PALM2AKAP2: variants seen among roughly 807,000 people sequenced by gnomAD.
PALM2AKAP2 encodes the protein PALM2-AKAP2 fusion protein.
In PALM2AKAP2, 37 loss-of-function variants were observed where a neutral mutation model predicts 71.5. The ratio of observed to expected loss-of-function variants is 0.52; its 90% CI spans 0.40 to 0.68. PALM2AKAP2 has a LOEUF of 0.68. PALM2AKAP2 is among the 30% of genes least tolerant of loss of function. PALM2AKAP2 has a pLI of 0.00. For missense variants in PALM2AKAP2, 1,224 were observed against 1,191.8 expected, an observed-to-expected ratio of 1.03 and a Z score of -0.40; for synonymous variants, 468 against 478.8, an observed-to-expected ratio of 0.98 and a Z score of 0.29.
intron 3 of PALM2AKAP2, among the ~76,000 whole-genome samples, chr9:109,896,453 G>A (rs1371192195): frequency 1.3e-5 from 2 of 152,112 alleles, no homozygotes; most frequent in African/African-American, 4.8e-5. Context: ...ATATTTTAAG[G>A]AAGGTGGCAC....
intron 6 of PALM2AKAP2, among the ~76,000 whole-genome samples, chr9:109,971,908 T>G (rs1588038973): frequency 6.6e-6 from 1 of 152,226 alleles, no homozygotes; most frequent in Admixed American, 6.5e-5. Flanking sequence ...TTGCAACTCC[T>G]GCCCGTTGAA....
intron 6 of PALM2AKAP2, among the ~76,000 whole-genome samples, chr9:109,989,629 T>C (rs1832440275): frequency 6.6e-6 from 1 of 152,246 alleles, no homozygotes; most frequent in African/African-American, 2.4e-5. Flanking sequence ...GGTAAGAGAT[T>C]CTTCTCAGGA....
At chr9:109,888,059 A>G (rs969644340) in intron 3 of PALM2AKAP2, among the ~76,000 whole-genome samples, 3 of 152,162 alleles carry the variant, frequency 2.0e-5, no homozygotes, top group Non-Finnish European at 2.9e-5. Flanking sequence ...CATGAAGTGC[A>G]GGTTTCATTT....
intron 1 of PALM2AKAP2, among the ~76,000 whole-genome samples, chr9:109,661,021 T>C (rs555662620): frequency 6.6e-6 from 1 of 152,342 alleles, no homozygotes; most frequent in African/African-American, 2.4e-5. Context: ...GTTGTTTTTT[T>C]CTTGTAAACT....
chr9:110,063,524 C>T (rs1468181693), intron 1 of PALM2AKAP2, among the ~76,000 whole-genome samples: 3 of 151,510 alleles, frequency 2.0e-5, no homozygotes, highest in Admixed American at 1.3e-4. Flanking sequence ...ACTGCAAACT[C>T]TGCCTCCCAG....
At chr9:109,957,614 A>G (rs1439986646) in intron 6 of PALM2AKAP2, among the ~76,000 whole-genome samples, 6 of 152,170 alleles carry the variant, frequency 3.9e-5, no homozygotes, top group African/African-American at 1.4e-4. Context: ...GCTGAGATGC[A>G]TTCCCACCTG....
chr9:109,925,241 C>A (rs189941531), intron 5 of PALM2AKAP2, among the ~76,000 whole-genome samples, 159 bp downstream of exon 5: 1 of 152,304 alleles, frequency 6.6e-6, no homozygotes, highest in East Asian at 1.9e-4. Context: ...GGTCCACATT[C>A]CAAGCCTTCC....
chr9:109,922,703 C>G (rs1010894832), intron 3 of PALM2AKAP2, among the ~76,000 whole-genome samples: 1 of 152,146 alleles, frequency 6.6e-6, no homozygotes, highest in Non-Finnish European at 1.5e-5. Context: ...CAGTGCCATC[C>G]TACTCTGCCA....
At position 109,932,043 on chromosome 9, in the gene PALM2AKAP2, C is replaced by T. The variant is rs1035892062; in HGVS notation, c.496+15C>T. On this transcript the variant is annotated intron_variant, in intron 6 of 9. Coordinates refer to the PALM2AKAP2 transcript ENST00000302798. Reference sequence around the variant, plus strand: ...CAGAGCGGCTGGTAAGTCCTGGGGACCTTTGGACGCTAGGATGGTCCAAGG... The same window carrying T: ...CAGAGCGGCTGGTAAGTCCTGGGGATCTTTGGACGCTAGGATGGTCCAAGG... 1.9e-6 allele frequency: 3 copies of T among 1,607,470 alleles called. No homozygotes were observed. The highest frequency in any genetic ancestry group is 2.6e-6 in the Non-Finnish European group (3 of 1,176,066).
chr9:109,903,646 A>T (rs759483586), intron 3 of PALM2AKAP2, among the ~76,000 whole-genome samples: 3 of 152,210 alleles, frequency 2.0e-5, no homozygotes, highest in Non-Finnish European at 4.4e-5. Context: ...CCAAATCAGC[A>T]GAATCACAGC....
At chr9:109,837,565 G>T (rs921892542) in intron 1 of PALM2AKAP2, among the ~76,000 whole-genome samples, 7 of 152,058 alleles carry the variant, frequency 4.6e-5, no homozygotes, top group East Asian at 1.9e-4. Flanking sequence ...AATGCTCCAA[G>T]TAAAAGACAC....
intron 1 of PALM2AKAP2, among the ~76,000 whole-genome samples, chr9:110,116,549 A>G (rs775579511): frequency 8.9e-4 from 136 of 152,148 alleles, no homozygotes; most frequent in Admixed American, 2.0e-3. Context: ...TTTGTTCTCT[A>G]CTTGACTGAT....
intron 1 of PALM2AKAP2, among the ~76,000 whole-genome samples, chr9:110,064,320 CTAG>C (rs1834026532): frequency 6.6e-6 from 1 of 152,128 alleles, no homozygotes; most frequent in African/African-American, 2.4e-5. Flanking sequence ...CTTGAATCCC[CTAG>C]TAGTGTGTAT....
chr9:110,145,741 A>T (rs180751892), intron 2 of PALM2AKAP2, among the ~76,000 whole-genome samples: 1 of 136,352 alleles, frequency 7.3e-6, no homozygotes, highest in East Asian at 2.2e-4. Context: ...AGAAAAGACT[A>T]TGTTGAAGCT....
chr9:110,136,896 A>G, exon 2 of PALM2AKAP2: 6 of 1,614,198 alleles, frequency 3.7e-6, no homozygotes, highest in Non-Finnish European at 5.1e-6. Flanking sequence ...GAGCTGGAAA[A>G]GGAGAGGAGA....
At chr9:110,016,010 G>A in exon 7 of PALM2AKAP2, 1 of 1,614,032 alleles carries the variant, frequency 6.2e-7, no homozygotes, top group Non-Finnish European at 8.5e-7. Flanking sequence ...GAACGCCACA[G>A]AAACATCCGG....
At chr9:110,006,652 C>T (rs1449017040) in intron 6 of PALM2AKAP2, among the ~76,000 whole-genome samples, 1 of 151,992 alleles carries the variant, frequency 6.6e-6, no homozygotes, top group African/African-American at 2.4e-5. Flanking sequence ...CATGAGCTAC[C>T]ATTCCTGGCC....
At chr9:109,665,500 T>G (rs1461068028) in intron 1 of PALM2AKAP2, among the ~76,000 whole-genome samples, 1 of 152,222 alleles carries the variant, frequency 6.6e-6, no homozygotes, top group Non-Finnish European at 1.5e-5. Flanking sequence ...ACTGTTTGCC[T>G]GGGTATCGCC....
At chr9:110,164,653 C>T (rs10980230) in intron 3 of PALM2AKAP2, among the ~76,000 whole-genome samples, 17,295 of 151,566 alleles carry the variant, frequency 0.11, 1,102 homozygotes, top group East Asian at 0.19. Context: ...GCCTCAACCT[C>T]CTAAGTAGCT....
Sources: gnomAD v4.1 joint callset for allele counts (sites outside exome capture counted in the v4.1 genomes callset) on GRCh38, gnomAD v4.1.1 for gene constraint, MANE v1.5 for transcripts, NCBI Gene and HGNC (gene_info 2026-07-23, HGNC 2026-07-21) for gene names.